Variants in CFAP52 observed in about 807,000 individuals in gnomAD.
The protein encoded by CFAP52 is cilia- and flagella-associated protein 52.
CFAP52 carries 57 observed loss-of-function variants against 70.5 expected under a neutral mutation model. The ratio of observed to expected loss-of-function variants is 0.81; its 90% CI spans 0.65 to 1.01. The LOEUF is 1.01. Ranked by LOEUF, CFAP52 falls within the 50% of genes least tolerant of loss-of-function variation. CFAP52 has a pLI of 0.00. For missense variants in CFAP52, 785 were observed against 788.5 expected (o/e 1.00, Z 0.05); for synonymous variants, 267 against 292.5 (o/e 0.91, Z 0.89).
intron 9 of CFAP52, among the ~76,000 whole-genome samples, chr17:9,630,879 G>A (rs1372972521): frequency 1.1e-4 from 16 of 149,764 alleles, no homozygotes. Context: ...CCAGCTACCC[G>A]GGAGGCTGAG....
chr17:9,609,990 G>GGAGAGAGA (rs137875006), intron 7 of CFAP52, among the ~76,000 whole-genome samples: 3 of 148,918 alleles, frequency 2.0e-5, no homozygotes, highest in Non-Finnish European at 3.0e-5. Context: ...TCTGATTTCT[G>GGAGAGAGA]GAGAGAGAGA....
At chr17:9,637,318 T>A (rs1450434943) in intron 11 of CFAP52, among the ~76,000 whole-genome samples, 5 of 152,176 alleles carry the variant, frequency 3.3e-5, no homozygotes, top group Non-Finnish European at 7.3e-5. Flanking sequence ...TTTCTATGGA[T>A]GCTTTGTGAC....
intron 7 of CFAP52, among the ~76,000 whole-genome samples, chr17:9,609,313 A>G (rs2151940832): frequency 1.3e-5 from 2 of 152,354 alleles, no homozygotes; most frequent in Admixed American, 1.3e-4. Context: ...GAAACAAAAT[A>G]AACAAGGAAA....
intron 4 of CFAP52, among the ~76,000 whole-genome samples, chr17:9,594,696 A>G (rs765701771): frequency 6.6e-6 from 1 of 152,196 alleles, no homozygotes; most frequent in Non-Finnish European, 1.5e-5. Flanking sequence ...GATAGTTTGC[A>G]AATGAATTCT....
In CFAP52 at chr17:9,638,022, C is replaced by T. The variant is rs576162288; in HGVS notation, c.1473-587C>T. Among the ~76,000 whole-genome samples the T allele has an allele frequency of 1.4e-3, 218 of 152,306 alleles. 1 individual carries two copies. The highest frequency in any genetic ancestry group is 4.8e-3 in the African/African-American group (200 of 41,580). On this transcript the variant is annotated intron_variant, in intron 11 of 13. Coordinates refer to ENST00000352665, the MANE Select transcript of CFAP52 (RefSeq NM_145054.5). ...CATATGCAGACAAGGGTTGAGCCTG[C>T]CAGCTTTTGGGACATCCCCACGTGA...
In CFAP52 at chr17:9,638,729, G is replaced by A. The variant is rs765338549; in HGVS notation, c.1575+18G>A. ...ACAGAAAGGTGAGTCCTCCCAGTGA[G>A]AGATGAGATCTTTCCAGCGCAAGAG... On this transcript the variant is annotated intron_variant, in intron 12 of 13. Transcript: ENST00000352665. The A allele has an allele frequency of 1.9e-6, 3 of 1,611,504 alleles. No homozygotes were observed. The highest frequency in any genetic ancestry group is 1.3e-5 in the African/African-American group (1 of 74,988).
rs79055608 is a variant in CFAP52 at position 9,600,975 on chromosome 17, C to T, written c.753+792C>T. On this transcript the variant is annotated intron_variant, in intron 6 of 13. Coordinates refer to ENST00000352665, the MANE Select transcript of CFAP52 (RefSeq NM_145054.5). ...CCAGTTCTGTGAAGAAAGTCATTGG[C>T]GGCACTATTCACAATAGCAAAGACT... 2.7e-3 allele frequency among the ~76,000 whole-genome samples: 415 copies of T among 151,856 alleles called. 4 individuals carry two copies. The highest frequency in any genetic ancestry group is 9.1e-3 in the African/African-American group (375 of 41,392).
At chr17:9,624,925 A>T (rs557155982) in intron 8 of CFAP52, among the ~76,000 whole-genome samples, 3 of 152,162 alleles carry the variant, frequency 2.0e-5, no homozygotes, top group African/African-American at 7.2e-5. Flanking sequence ...TGCTTGCATT[A>T]TGTAGCAGTC....
At chr17:9,598,133 C>T in intron 4 of CFAP52, 101 bp from the exon 5 acceptor site, 2 of 900,374 alleles carry the variant, frequency 2.2e-6, no homozygotes, top group Non-Finnish European at 3.4e-6. Flanking sequence ...ATAACGAAGC[C>T]TCAAAAATGT....
chr17:9,578,230 G>A (rs1204197687), intron 1 of CFAP52, among the ~76,000 whole-genome samples: 1 of 152,210 alleles, frequency 6.6e-6, no homozygotes, highest in East Asian at 1.9e-4. Flanking sequence ...TATTCACCTT[G>A]GGATGGAGAC....
At chr17:9,615,028 G>A (rs1335765184) in intron 8 of CFAP52, among the ~76,000 whole-genome samples, 3 of 152,134 alleles carry the variant, frequency 2.0e-5, no homozygotes, top group Admixed American at 6.5e-5. Flanking sequence ...ATAGGACTTC[G>A]CCTTTTAATA....
chr17:9,635,671 C>T (rs1910742875), intron 11 of CFAP52, 115 bp downstream of exon 11: 7 of 1,339,094 alleles, frequency 5.2e-6, no homozygotes, highest in Non-Finnish European at 7.2e-6. Context: ...TTTAAGGCAA[C>T]ACAGTAAAGG....
chr17:9,640,936 A>G (rs1231914024), intron 12 of CFAP52, among the ~76,000 whole-genome samples: 1 of 151,986 alleles, frequency 6.6e-6, no homozygotes. Flanking sequence ...GAGCCGCTGC[A>G]CCCAGCTGGC....
chr17:9,636,839 G>A (rs1451524194), intron 11 of CFAP52, among the ~76,000 whole-genome samples: 1 of 152,190 alleles, frequency 6.6e-6, no homozygotes, highest in Non-Finnish European at 1.5e-5. Flanking sequence ...GAGGTCAGGA[G>A]TTTGAGCCCA....
At position 9,621,876 on chromosome 17, in the gene CFAP52, G is replaced by T. The variant is rs997482877; in HGVS notation, c.1026-6796G>T. Among the ~76,000 whole-genome samples the T allele has an allele frequency of 2.1e-5, 3 of 144,800 alleles. No individual in the cohort carries two copies. The East Asian group carries it at 6.2e-4, about 30-fold the overall frequency. 95.0% of individuals were successfully genotyped at this position (144,800 alleles called of 152,430 possible). A position where few individuals can be genotyped will look rare whatever the true frequency, so the allele number is the denominator to read the frequency against. On this transcript the variant is annotated intron_variant, in intron 8 of 13. Transcript: ENST00000352665. Reference sequence around the variant, plus strand: ...TGGTGGGGTCGGGGGAGGGGAGAGGGATAGCATTGGGAGATATACCTAATG... The same window carrying T: ...TGGTGGGGTCGGGGGAGGGGAGAGGTATAGCATTGGGAGATATACCTAATG...
At chr17:9,642,665 A>G (rs1160018369) in intron 13 of CFAP52, among the ~76,000 whole-genome samples, 1 of 152,204 alleles carries the variant, frequency 6.6e-6, no homozygotes, top group Non-Finnish European at 1.5e-5. Flanking sequence ...AAATGAATTA[A>G]GTTTCACAAG....
intron 11 of CFAP52, 105 bp from the exon 12 acceptor site, chr17:9,638,504 T>C (rs934249210): frequency 9.4e-7 from 1 of 1,058,652 alleles, no homozygotes; most frequent in Non-Finnish European, 1.4e-6. Context: ...GGCATGGAGA[T>C]AAACCAACCC....
In CFAP52 at chr17:9,576,664, G is replaced by A. The variant is rs924811129; in HGVS notation, c.-32G>A. 2 of 1,590,464 alleles carry A rather than the reference G, an allele frequency of 1.3e-6. No individual in the cohort carries two copies. Among genetic ancestry groups the A allele is most frequent in the African/African-American group, 1.3e-5 (1 of 74,316 alleles). Reference sequence around the variant, plus strand: ...ACCAGAAGACGCTGCAGCCACTAGGGAGGAGAGCAAAGTAATCAGAACCTC... The same window carrying A: ...ACCAGAAGACGCTGCAGCCACTAGGAAGGAGAGCAAAGTAATCAGAACCTC... On this transcript the variant is annotated 5_prime_UTR_variant, in exon 1 of 14. Transcript: ENST00000352665.
chr17:9,593,268 T>G (rs1234888166), intron 3 of CFAP52, among the ~76,000 whole-genome samples: 1 of 152,192 alleles, frequency 6.6e-6, no homozygotes, highest in Non-Finnish European at 1.5e-5. Context: ...GTTGTATGAT[T>G]GCACCCAGAA....
Sources: allele counts gnomAD v4.1 joint callset (sites outside exome capture counted in the v4.1 genomes callset), GRCh38; gene constraint gnomAD v4.1.1; transcripts MANE v1.5; gene names NCBI Gene and HGNC (gene_info 2026-07-23, HGNC 2026-07-21).